The following ZNF804B variants were observed in gnomAD, a reference collection of about 807,000 sequenced individuals.
The protein encoded by ZNF804B is zinc finger protein 804B.
In ZNF804B, 80 loss-of-function variants were observed where a neutral mutation model predicts 101.4. The ratio of observed to expected loss-of-function variants is 0.79; its 90% CI spans 0.66 to 0.95. The LOEUF is 0.95. ZNF804B is among the 40% of genes least tolerant of loss of function. The pLI is 0.00. For missense variants in ZNF804B, 1,673 were observed against 1,561.9 expected, an observed-to-expected ratio of 1.07 and a Z score of -1.20; for synonymous variants, 622 against 558.8, an observed-to-expected ratio of 1.11 and a Z score of -1.59.
chr7:88,789,391 G>A (rs1790345995), intron 1 of ZNF804B, among the ~76,000 whole-genome samples: 2 of 152,014 alleles, frequency 1.3e-5, no homozygotes, highest in African/African-American at 2.4e-5. Flanking sequence ...ACCCTAAATG[G>A]GAGAATACTG....
chr7:89,336,225 A>T lies in ZNF804B; in HGVS notation c.3243A>T (p.Lys1081Asn). The T allele has an allele frequency of 6.2e-7, 1 of 1,613,848 alleles. No individual in the cohort carries two copies. The highest frequency in any genetic ancestry group is 8.5e-7 in the Non-Finnish European group (1 of 1,179,962). Residue 1081 changes from lysine to asparagine, a missense_variant, in exon 4 of 4, where the codon AAA becomes AAT. By Grantham distance (94) the Lys-to-Asn change is moderately conservative. Transcript: ENST00000333190. ...NEFPGAFPSN[K>N]YTGVTDSTET... ...TCCCTGGTGCTTTTCCGTCTAATAA[A>T]TATACTGGTGTGACTGATTCAACAG...
At chr7:89,224,249 C>G (rs2115719818) in intron 2 of ZNF804B, among the ~76,000 whole-genome samples, 1 of 152,142 alleles carries the variant, frequency 6.6e-6, no homozygotes, top group African/African-American at 2.4e-5. Context: ...TCCTTCTAAT[C>G]TCCATTTGCT....
chr7:89,210,630 G>A (rs369022654), intron 1 of ZNF804B, among the ~76,000 whole-genome samples: 1 of 152,124 alleles, frequency 6.6e-6, no homozygotes, highest in African/African-American at 2.4e-5. Flanking sequence ...GTTTGCTGAG[G>A]ATAATGGCTT....
chr7:88,985,888 G>C (rs2116142675), intron 1 of ZNF804B, among the ~76,000 whole-genome samples: 2 of 152,232 alleles, frequency 1.3e-5, no homozygotes, highest in South Asian at 2.1e-4. Context: ...AGTAAATTCA[G>C]ATGTAGATAA....
chr7:89,290,303 TGA>T (rs751705499), intron 2 of ZNF804B, among the ~76,000 whole-genome samples: 4 of 151,754 alleles, frequency 2.6e-5, no homozygotes, highest in African/African-American at 4.8e-5. Flanking sequence ...ATGGCTACAG[TGA>T]GAGAGAACTT....
chr7:89,206,608 C>A (rs1788717956), intron 1 of ZNF804B, among the ~76,000 whole-genome samples: 1 of 151,988 alleles, frequency 6.6e-6, no homozygotes. Flanking sequence ...AAAAATTAGT[C>A]AGGCATGGTG....
At chr7:89,244,078 A>G (rs1025863940) in intron 2 of ZNF804B, among the ~76,000 whole-genome samples, 3 of 152,000 alleles carry the variant, frequency 2.0e-5, no homozygotes, top group Non-Finnish European at 2.9e-5. Context: ...TGTGGTTTAG[A>G]GGAGAAAAAT....
intron 1 of ZNF804B, among the ~76,000 whole-genome samples, chr7:89,024,000 A>C (rs1788708061): frequency 6.6e-6 from 1 of 152,212 alleles, no homozygotes; most frequent in African/African-American, 2.4e-5. Flanking sequence ...CTAGAGCTGC[A>C]CTGTGACCAT....
intron 1 of ZNF804B, among the ~76,000 whole-genome samples, chr7:89,183,163 G>A (rs1788323619): frequency 6.6e-6 from 1 of 152,064 alleles, no homozygotes; most frequent in Non-Finnish European, 1.5e-5. Flanking sequence ...TGGAAGAAGA[G>A]TTAGAACAAG....
chr7:89,011,635 C>T (rs1788463683), intron 1 of ZNF804B, among the ~76,000 whole-genome samples: 1 of 152,116 alleles, frequency 6.6e-6, no homozygotes, highest in African/African-American at 2.4e-5. Context: ...CCCAATAGGG[C>T]AGTCAGTAAA....
At chr7:89,161,081 G>C (rs1374657711) in intron 1 of ZNF804B, among the ~76,000 whole-genome samples, 1 of 151,982 alleles carries the variant, frequency 6.6e-6, no homozygotes, top group Non-Finnish European at 1.5e-5. Flanking sequence ...CTTGTGGTTA[G>C]GATTCTCTTC....
At chr7:89,217,370 G>A (rs1397782836) in intron 1 of ZNF804B, among the ~76,000 whole-genome samples, 2 of 152,282 alleles carry the variant, frequency 1.3e-5, no homozygotes, top group East Asian at 1.9e-4. Context: ...GAGCCCATGA[G>A]TGTGTAATCT....
Position 88,995,311 on chromosome 7 carries a change from T to C in ZNF804B, c.109-222844T>C, listed in dbSNP as rs764877095. On this transcript the variant is annotated intron_variant, in intron 1 of 3. Transcript: ENST00000333190. ...CGTGTAAGTAGCTATGAAACTTAAG[T>C]GATAAACAATATATATGATATTAGC... Among the ~76,000 whole-genome samples, 12 of 152,128 alleles carry C rather than the reference T, an allele frequency of 7.9e-5. No homozygotes were observed. In the South Asian group the frequency reaches 8.3e-4, roughly 11 times the overall value.
intron 2 of ZNF804B, among the ~76,000 whole-genome samples, chr7:89,287,934 G>GA (rs3061224): frequency 0.28 from 41,929 of 148,942 alleles, 5,960 homozygotes; most frequent in African/African-American, 0.33. Context: ...AGATTTTCAG[G>GA]AAAAAAAAAA....
At chr7:89,194,648 C>T (rs1217717146) in intron 1 of ZNF804B, among the ~76,000 whole-genome samples, 5 of 150,330 alleles carry the variant, frequency 3.3e-5, no homozygotes, top group Admixed American at 6.6e-5. Flanking sequence ...TTTCTGAGGG[C>T]TCTGTCCTGT....
intron 1 of ZNF804B, among the ~76,000 whole-genome samples, chr7:88,846,362 G>T (rs1791373837): frequency 6.6e-6 from 1 of 152,154 alleles, no homozygotes; most frequent in African/African-American, 2.4e-5. Flanking sequence ...TGAGAAACCA[G>T]ATAATCTGTA....
intron 2 of ZNF804B, among the ~76,000 whole-genome samples, chr7:89,238,960 A>G (rs551984980): frequency 5.1e-4 from 77 of 152,264 alleles, no homozygotes; most frequent in African/African-American, 1.8e-3. Flanking sequence ...CTTCAAGTCT[A>G]CCTTCTTGTA....
At chr7:89,030,865 A>C (rs1004593849) in intron 1 of ZNF804B, among the ~76,000 whole-genome samples, 2 of 152,088 alleles carry the variant, frequency 1.3e-5, no homozygotes, top group African/African-American at 4.8e-5. Context: ...TGCTCCAGCT[A>C]TAGTGGTAGC....
intron 1 of ZNF804B, among the ~76,000 whole-genome samples, chr7:88,880,834 G>A (rs944051373): frequency 2.6e-5 from 4 of 151,980 alleles, no homozygotes; most frequent in African/African-American, 7.2e-5. Context: ...TTCCTTTCAT[G>A]TATGAATATT....
Sources: gnomAD v4.1 joint callset for allele counts (sites outside exome capture counted in the v4.1 genomes callset) on GRCh38, gnomAD v4.1.1 for gene constraint, MANE v1.5 for transcripts, NCBI Gene and HGNC (gene_info 2026-07-23, HGNC 2026-07-21) for gene names.